The following CD2AP variants were observed in gnomAD, a reference collection of about 807,000 sequenced individuals.
CD2AP encodes CD2-associated protein.
Under a neutral mutation model 85.1 loss-of-function variants are expected in CD2AP, and 46 were observed. That is an observed-to-expected ratio of 0.54 (90% CI 0.43 to 0.69). The LOEUF is 0.69. CD2AP is among the 30% of genes least tolerant of loss of function. The pLI is 0.00. For synonymous variants in CD2AP, 255 were observed against 252.9 expected (o/e 1.01, Z -0.08); for missense variants, 769 against 729.5 (o/e 1.05, Z -0.62).
chr6:47,609,258 A>T lies in CD2AP; in HGVS notation c.1768A>T (p.Ile590Phe), dbSNP rs1434849041. ...TTCCCTGGATGAACTTAGAGCCCAGATTATTGAATTGTTGTGCATTGTAGA... is the reference window on the plus strand; with the variant it reads ...TTCCCTGGATGAACTTAGAGCCCAGTTTATTGAATTGTTGTGCATTGTAGA... The part of the protein sequence containing the change: ...KNSLDELRAQ[I>F]IELLCIVEAL... The change falls in exon 16 of 18, where the codon ATT becomes TTT. Residue 590 changes from isoleucine to phenylalanine, a missense_variant. Coordinates refer to ENST00000359314, the MANE Select transcript of CD2AP (RefSeq NM_012120.3). The T allele has an allele frequency of 2.5e-6, 4 of 1,613,704 alleles. No individual in the cohort carries two copies. The African/African-American group carries it at 4.0e-5, about 16-fold the overall frequency.
chr6:47,601,440 C>T (rs929295149), intron 13 of CD2AP, among the ~76,000 whole-genome samples: 5 of 151,924 alleles, frequency 3.3e-5, no homozygotes, highest in East Asian at 1.9e-4. Context: ...TACTTAGGCC[C>T]TGTAAAGTTC....
At chr6:47,592,208 C>CT (rs946771935) in intron 11 of CD2AP, among the ~76,000 whole-genome samples, 3 of 150,184 alleles carry the variant, frequency 2.0e-5, no homozygotes, top group African/African-American at 2.4e-5. Flanking sequence ...TAACATAGAA[C>CT]TTTTTTTTTT....
chr6:47,560,741 A>G (rs1417023531), intron 5 of CD2AP, among the ~76,000 whole-genome samples: 1 of 152,096 alleles, frequency 6.6e-6, no homozygotes, highest in Non-Finnish European at 1.5e-5. Flanking sequence ...CTGTGCTGCC[A>G]CTGTACTTTT....
At chr6:47,544,529 TA>T in intron 3 of CD2AP, 76 bp from the exon 4 acceptor site, 1 of 920,500 alleles carries the variant, frequency 1.1e-6, no homozygotes, top group Non-Finnish European at 1.8e-6. Context: ...GTCCTGTGAC[TA>T]AACATGGCAT....
At chr6:47,533,304 ATTGT>A (rs1766938466) in intron 2 of CD2AP, among the ~76,000 whole-genome samples, 1 of 149,812 alleles carries the variant, frequency 6.7e-6, no homozygotes. Flanking sequence ...ACTTTGAATT[ATTGT>A]TTGTCTTTGT....
chr6:47,581,770 A>G (rs916023661), intron 10 of CD2AP, among the ~76,000 whole-genome samples: 1 of 152,210 alleles, frequency 6.6e-6, no homozygotes, highest in African/African-American at 2.4e-5. Context: ...GGTAGAGGAT[A>G]TGATCTCTAA....
intron 2 of CD2AP, among the ~76,000 whole-genome samples, chr6:47,531,183 A>C (rs914748742): frequency 6.6e-6 from 1 of 152,132 alleles, no homozygotes; most frequent in Non-Finnish European, 1.5e-5. Context: ...TTGCTATGCC[A>C]GAGATTCCGA....
chr6:47,601,506 G>A (rs1185473790), intron 13 of CD2AP, among the ~76,000 whole-genome samples: 1 of 151,924 alleles, frequency 6.6e-6, no homozygotes, highest in Non-Finnish European at 1.5e-5. Context: ...TATTCACTGA[G>A]CAGGTTTTAT....
chr6:47,576,573 C>T lies in CD2AP; in HGVS notation c.779C>T (p.Thr260Ile). 1.9e-6 allele frequency: 3 copies of T among 1,612,162 alleles called. No homozygotes were observed. The highest frequency in any genetic ancestry group is 2.5e-6 in the Non-Finnish European group (3 of 1,178,644). ...LGPKTQSVEI[T>I]KTDTEGKIKA... ...CCCAAAACTCAGAGTGTGGAGATAACAAAAACAGATACCGAAGGTAAAATT... is the reference window on the plus strand; with the variant it reads ...CCCAAAACTCAGAGTGTGGAGATAATAAAAACAGATACCGAAGGTAAAATT... The change falls in exon 7 of 18, where the codon ACA becomes ATA. Residue 260 changes from threonine (T) to isoleucine (I), a missense_variant. Coordinates refer to ENST00000359314, the MANE Select transcript of CD2AP (RefSeq NM_012120.3).
At chr6:47,522,615 GA>G (rs1353796178) in intron 2 of CD2AP, among the ~76,000 whole-genome samples, 1 of 151,938 alleles carries the variant, frequency 6.6e-6, no homozygotes, top group Non-Finnish European at 1.5e-5. Flanking sequence ...TCAGGAAGAA[GA>G]AAACAAAAAT....
At chr6:47,568,328 G>A (rs1012579757) in intron 5 of CD2AP, among the ~76,000 whole-genome samples, 1 of 152,186 alleles carries the variant, frequency 6.6e-6, no homozygotes, top group African/African-American at 2.4e-5. Context: ...GAGGCTTGTA[G>A]GGATGTGAGA....
intron 4 of CD2AP, among the ~76,000 whole-genome samples, chr6:47,552,723 C>A (rs1009194515): frequency 2.0e-5 from 3 of 152,068 alleles, no homozygotes; most frequent in African/African-American, 7.2e-5. Context: ...ATGTTTCTCT[C>A]CGTTTGTTGT....
At chr6:47,608,746 T>C (rs542870226) in intron 15 of CD2AP, among the ~76,000 whole-genome samples, 2 of 152,316 alleles carry the variant, frequency 1.3e-5, no homozygotes, top group East Asian at 3.8e-4. Flanking sequence ...ACAATTACTT[T>C]TAAGTGAAGC....
At chr6:47,549,326 C>T (rs1246732990) in intron 4 of CD2AP, among the ~76,000 whole-genome samples, 1 of 151,954 alleles carries the variant, frequency 6.6e-6, no homozygotes, top group Non-Finnish European at 1.5e-5. Context: ...TCAGAAAGCT[C>T]CTAGAACTGA....
intron 1 of CD2AP, among the ~76,000 whole-genome samples, chr6:47,500,865 A>C (rs1022101821): frequency 6.6e-6 from 1 of 151,310 alleles, no homozygotes; most frequent in Admixed American, 6.6e-5. Flanking sequence ...CTCCTGCCTC[A>C]GCCTCCTGAG....
chr6:47,479,563 TA>T (rs1462812152), intron 1 of CD2AP, among the ~76,000 whole-genome samples: 2 of 152,378 alleles, frequency 1.3e-5, no homozygotes, highest in African/African-American at 4.8e-5. Flanking sequence ...TCAAATGAAT[TA>T]TTTTATAATT....
intron 1 of CD2AP, among the ~76,000 whole-genome samples, chr6:47,487,941 A>G (rs563032010): frequency 8.3e-4 from 126 of 152,282 alleles, no homozygotes; most frequent in Non-Finnish European, 1.5e-3. Context: ...TACAAAATTT[A>G]AATATATTGA....
At chr6:47,604,080 C>T (rs1315632371) in intron 13 of CD2AP, among the ~76,000 whole-genome samples, 5 of 151,998 alleles carry the variant, frequency 3.3e-5, no homozygotes, top group Admixed American at 3.3e-4. Context: ...TTTATTTTCT[C>T]TCCAAATTGG....
intron 11 of CD2AP, among the ~76,000 whole-genome samples, chr6:47,582,958 A>G (rs891920331): frequency 3.3e-5 from 5 of 151,066 alleles, no homozygotes; most frequent in African/African-American, 9.7e-5. Flanking sequence ...AATTTTTTGT[A>G]TTTTTTAGTA....
Sources: allele counts gnomAD v4.1 joint callset (sites outside exome capture counted in the v4.1 genomes callset), GRCh38; gene constraint gnomAD v4.1.1; transcripts MANE v1.5; gene names NCBI Gene and HGNC (gene_info 2026-07-23, HGNC 2026-07-21).